Variants in ATOH8 observed in about 807,000 individuals in gnomAD.
The protein encoded by ATOH8 is transcription factor ATOH8.
ATOH8 carries 9 observed loss-of-function variants against 21.2 expected under a neutral mutation model. The ratio of observed to expected loss-of-function variants is 0.42; its 90% CI spans 0.26 to 0.74. The LOEUF is 0.74. ATOH8 is among the 30% of genes least tolerant of loss of function. The pLI, the probability that ATOH8 is intolerant of heterozygous loss-of-function variation, is 0.24. For synonymous variants in ATOH8, 253 were observed against 224.0 expected, an observed-to-expected ratio of 1.13 and a Z score of -1.16; for missense variants, 524 against 470.9, an observed-to-expected ratio of 1.11 and a Z score of -1.04.
chr2:85,755,074 C>G, intron 1 of ATOH8, 117 bp downstream of exon 1: 1 of 1,355,418 alleles, frequency 7.4e-7, no homozygotes, highest in Non-Finnish European at 9.7e-7. Context: ...CCGCCCGGTC[C>G]GACCCTGGTG....
At chr2:85,755,836 C>A (rs1258465841) in intron 1 of ATOH8, among the ~76,000 whole-genome samples, 1 of 151,950 alleles carries the variant, frequency 6.6e-6, no homozygotes, top group Non-Finnish European at 1.5e-5. Flanking sequence ...GTGGTGAGTT[C>A]TCTCCCACCC....
In ATOH8 at chr2:85,754,564, G is replaced by A. The variant is rs929111682; in HGVS notation, c.375G>A (p.Pro125=). The stretch of plus-strand genomic sequence containing the variant: ...TGGGGCCAGGACTCCCCACGCCGCC[G>A]CCGCCGCCGCCTCCTGCGCCCCAGA... The part of the protein sequence containing the change: ...GAVGPGLPTP[P]PPPPPAPQSQ... The change falls in exon 1 of 3, where the codon CCG becomes CCA. Residue 125 remains proline, a synonymous_variant. Transcript: ENST00000306279. 2.1e-4 allele frequency: 296 copies of A among 1,438,720 alleles called. 1 individual carries two copies. Among genetic ancestry groups the A allele is most frequent in the Admixed American group, 1.8e-3 (59 of 32,650 alleles). 89.1% of individuals were successfully genotyped at this position (1,438,720 alleles called of 1,614,324 possible).
chr2:85,770,170 C>T (rs2104516232), intron 2 of ATOH8, among the ~76,000 whole-genome samples: 1 of 152,164 alleles, frequency 6.6e-6, no homozygotes, highest in Admixed American at 6.5e-5. Flanking sequence ...TCGTGGGCTC[C>T]TCTCACCAAC....
intron 1 of ATOH8, among the ~76,000 whole-genome samples, chr2:85,763,253 A>G (rs1484861492): frequency 2.6e-5 from 4 of 152,290 alleles, no homozygotes; most frequent in Admixed American, 2.6e-4. Flanking sequence ...AGACATATTA[A>G]AAATTAAAGG....
intron 2 of ATOH8, chr2:85,773,174 A>G (rs896182818): frequency 3.7e-6 from 1 of 267,816 alleles, no homozygotes; most frequent in African/African-American, 2.3e-5. Context: ...AGAGACCCCC[A>G]TCAGCTCATC....
chr2:85,781,057 G>A (rs1444400124), intron 2 of ATOH8: 1 of 987,964 alleles, frequency 1.0e-6, no homozygotes, highest in Non-Finnish European at 1.2e-6. Context: ...AGATGTGAAA[G>A]CAGATCTGTC....
chr2:85,766,158 G>A lies in ATOH8; in HGVS notation c.960+1976G>A, dbSNP rs898891569. 3.3e-5 allele frequency among the ~76,000 whole-genome samples: 5 copies of A among 152,082 alleles called. No homozygotes were observed. Among genetic ancestry groups the A allele is most frequent in the Non-Finnish European group, 7.4e-5 (5 of 67,998 alleles). ...GAGTTACTGCAGGAGAGCGTGTGGT[G>A]TCTGCATGGTCACCGTCCTCAGGGT... is the stretch of plus-strand genomic sequence containing the variant. On this transcript the variant is annotated intron_variant, in intron 2 of 2. Transcript: ENST00000306279. This position sits in a 1 kb window ranked among gnomAD's most constrained non-coding sequence, Gnocchi z 4.0.
intron 2 of ATOH8, among the ~76,000 whole-genome samples, chr2:85,778,311 T>TGC (rs34153263): frequency 0.23 from 35,089 of 151,948 alleles, 4,324 homozygotes; most frequent in African/African-American, 0.3. Flanking sequence ...CGTGTGTGTG[T>TGC]GTGTGCGCGC....
At chr2:85,771,751 A>G (rs1247459372) in intron 2 of ATOH8, among the ~76,000 whole-genome samples, 1 of 152,202 alleles carries the variant, frequency 6.6e-6, no homozygotes, top group Non-Finnish European at 1.5e-5. Context: ...CACCAAGCAC[A>G]TCAACCATGT....
In ATOH8 at chr2:85,766,953, G is replaced by C. The variant is rs947894395; in HGVS notation, c.960+2771G>C. Among the ~76,000 whole-genome samples, 2 of 152,156 alleles carry C rather than the reference G, an allele frequency of 1.3e-5. No individual in the cohort carries two copies. Among genetic ancestry groups the C allele is most frequent in the African/African-American group, 4.8e-5 (2 of 41,434 alleles). On this transcript the variant is annotated intron_variant, in intron 2 of 2. Transcript: ENST00000306279. The surrounding 1 kb of genome is among the most constrained non-coding windows in gnomAD (Gnocchi z 4.0). ...CCCTCGGCAGATGTCCTGCCCCAGAGTGGACTCATGGGCCCTGACACCGAG... is the reference window on the plus strand; with the variant it reads ...CCCTCGGCAGATGTCCTGCCCCAGACTGGACTCATGGGCCCTGACACCGAG...
chr2:85,785,318 C>A lies in ATOH8; in HGVS notation c.961-1567C>A, dbSNP rs1680597545. 6.6e-6 allele frequency among the ~76,000 whole-genome samples: 1 copy of A among 152,266 alleles called. No individual in the cohort carries two copies. The highest frequency in any genetic ancestry group is 6.5e-5 in the Admixed American group (1 of 15,290). ...TTCCTTTCCGCTTCTTAATCCTCCT[C>A]CTCAGACTCGGTAACACAAAGCAGA... On this transcript the variant is annotated intron_variant, in intron 2 of 2. Transcript: ENST00000306279. The surrounding 1 kb of genome is among the most constrained non-coding windows in gnomAD (Gnocchi z 4.1).
intron 2 of ATOH8, among the ~76,000 whole-genome samples, chr2:85,779,076 G>A (rs1680413595): frequency 6.6e-6 from 1 of 151,734 alleles, no homozygotes; most frequent in African/African-American, 2.4e-5. Context: ...CTCCAGCCTG[G>A]GTGCCCCCTC....
intron 1 of ATOH8, among the ~76,000 whole-genome samples, chr2:85,755,364 A>G (rs1439132907): frequency 6.6e-6 from 1 of 152,148 alleles, no homozygotes; most frequent in East Asian, 1.9e-4. Flanking sequence ...CAAGGTCCGG[A>G]ACGCTGCGGT....
chr2:85,754,845 C>T lies in ATOH8; in HGVS notation c.656C>T (p.Ala219Val), dbSNP rs1679634268. The T allele has an allele frequency of 3.1e-6, 5 of 1,612,456 alleles. No individual in the cohort carries two copies. Among genetic ancestry groups the T allele is most frequent in the African/African-American group, 1.3e-5 (1 of 75,062 alleles). The change falls in exon 1 of 3, where the codon GCC becomes GTC. Residue 219 changes from alanine (A) to valine (V), a missense_variant. Transcript: ENST00000306279. The part of the protein sequence containing the change: ...SPRKRPGEAT[A>V]ASSEIKALQQ... The stretch of plus-strand genomic sequence containing the variant: ...AGGAAACGACCGGGCGAAGCGACTG[C>T]CGCCTCCTCCGAGATCAAAGCCCTG...
intron 2 of ATOH8, among the ~76,000 whole-genome samples, chr2:85,783,880 G>A (rs1680561134): frequency 6.6e-6 from 1 of 151,542 alleles, no homozygotes; most frequent in Non-Finnish European, 1.5e-5. Flanking sequence ...AGCCACTTAT[G>A]AAGAGGTATC....
In ATOH8 at chr2:85,785,597, G is replaced by A. The variant is rs892230268; in HGVS notation, c.961-1288G>A. Reference sequence around the variant, plus strand: ...GGCCTGTGGTTAGCAGGCCCTCCACGTCGTGGTTTGGCTCCATCCTGGCTC... The same window carrying A: ...GGCCTGTGGTTAGCAGGCCCTCCACATCGTGGTTTGGCTCCATCCTGGCTC... On this transcript the variant is annotated intron_variant, in intron 2 of 2. Transcript: ENST00000306279. This position sits in a 1 kb window ranked among gnomAD's most constrained non-coding sequence, Gnocchi z 4.1. Among the ~76,000 whole-genome samples, 1 of 152,140 alleles carries A rather than the reference G, an allele frequency of 6.6e-6. No individual in the cohort carries two copies. Among genetic ancestry groups the A allele is most frequent in the Non-Finnish European group, 1.5e-5 (1 of 68,018 alleles).
At chr2:85,784,831 A>C (rs776347536) in intron 2 of ATOH8, among the ~76,000 whole-genome samples, 3 of 152,240 alleles carry the variant, frequency 2.0e-5, no homozygotes, top group African/African-American at 7.2e-5. Context: ...AATTGCAGAG[A>C]AAGTCCTGGC....
intron 2 of ATOH8, among the ~76,000 whole-genome samples, chr2:85,782,738 C>T (rs1416134270): frequency 6.6e-6 from 1 of 152,202 alleles, no homozygotes; most frequent in Non-Finnish European, 1.5e-5. Flanking sequence ...CTCTGACACC[C>T]AGGTTGGAGT....
chr2:85,762,425 T>C (rs1009039981), intron 1 of ATOH8, among the ~76,000 whole-genome samples: 6 of 152,266 alleles, frequency 3.9e-5, no homozygotes, highest in African/African-American at 1.4e-4. Context: ...ATTTGTTCAC[T>C]CATTGCCTTA....
Sources: allele counts gnomAD v4.1 joint callset (sites outside exome capture counted in the v4.1 genomes callset), GRCh38; gene constraint gnomAD v4.1.1; non-coding constraint Gnocchi (gnomAD v3.1); transcripts MANE v1.5; gene names NCBI Gene and HGNC (gene_info 2026-07-23, HGNC 2026-07-21).